The following RGL1 variants were observed in gnomAD, a reference collection of about 807,000 sequenced individuals.
The protein encoded by RGL1 is ral guanine nucleotide dissociation stimulator like 1.
A neutral mutation model predicts 95.2 loss-of-function variants in RGL1; 24 were observed. The ratio of observed to expected loss-of-function variants is 0.25; its 90% confidence interval spans 0.18 to 0.35. RGL1 has a LOEUF of 0.35. RGL1 is among the 10% of genes least tolerant of loss of function. The pLI is 1.00. For missense variants in RGL1, 715 were observed against 936.3 expected (o/e 0.76, Z 3.08); for synonymous variants, 329 against 344.9 (o/e 0.95, Z 0.51).
At chr1:183,754,949 C>G (rs927882083) in intron 2 of RGL1, 3 of 152,082 alleles carry the variant, frequency 2.0e-5, no homozygotes, top group Non-Finnish European at 4.4e-5. Context: ...TTTTGCCAGC[C>G]TGTCATGTAT....
chr1:183,677,457 C>A (rs909061297), intron 1 of RGL1, among the ~76,000 whole-genome samples: 3 of 152,086 alleles, frequency 2.0e-5, no homozygotes, highest in Admixed American at 6.6e-5. Flanking sequence ...ATTTGCCCAT[C>A]ATTCTGTTCT....
intron 2 of RGL1, among the ~76,000 whole-genome samples, chr1:183,807,489 AAGG>A (rs1020478807): frequency 6.6e-6 from 1 of 152,194 alleles, no homozygotes; most frequent in African/African-American, 2.4e-5. Context: ...GTGGAGTGTG[AAGG>A]AGGATAGGAC....
At chr1:183,883,980 G>T in intron 6 of RGL1, 70 bp downstream of exon 6, 1 of 1,492,540 alleles carries the variant, frequency 6.7e-7, no homozygotes, top group Non-Finnish European at 9.3e-7. Context: ...CTGGTGCCCC[G>T]GTGACAGCAG....
rs750181106 is a variant in RGL1, at chr1:183,880,584, G to T, written c.426-32G>T. ...TTGCTTTGCCTCCCCACAGCCAGTT[G>T]GGTGCAGTGACTCTCCATTTGTCTT... is the stretch of plus-strand genomic sequence containing the variant. On this transcript the variant is annotated intron_variant, in intron 4 of 17. Coordinates refer to ENST00000360851, the MANE Select transcript of RGL1 (RefSeq NM_001297671.3). 2.4e-5 allele frequency: 39 copies of T among 1,605,850 alleles called. 1 individual carries two copies. In the Middle Eastern group the frequency reaches 8.0e-4, roughly 33 times the overall value.
At position 183,838,982 on chromosome 1, in the gene RGL1, A is replaced by G. The variant is rs143113555; in HGVS notation, c.139-8584A>G. ...TGTCTAAGCCTTGATATGTTTGTAT[A>G]ATTAGAGGGAAGGTACATATGTCAG... On this transcript the variant is annotated intron_variant, in intron 2 of 17. Coordinates refer to ENST00000360851, the MANE Select transcript of RGL1 (RefSeq NM_001297671.3). 7.2e-5 allele frequency among the ~76,000 whole-genome samples: 11 copies of G among 152,284 alleles called. No individual in the cohort carries two copies. The East Asian group carries it at 1.9e-3, about 27-fold the overall frequency.
intron 1 of RGL1, among the ~76,000 whole-genome samples, chr1:183,805,629 C>T (rs1195988549): frequency 6.6e-6 from 1 of 152,220 alleles, no homozygotes; most frequent in Non-Finnish European, 1.5e-5. Context: ...TGCGTCCCAG[C>T]GGCTCTTTAA....
At position 183,810,416 on chromosome 1, in the gene RGL1, G is replaced by A. The variant is rs145302953; in HGVS notation, c.138+3931G>A. On this transcript the variant is annotated intron_variant, in intron 2 of 17. Coordinates refer to ENST00000360851, the MANE Select transcript of RGL1 (RefSeq NM_001297671.3). ...GTGGTCATGCAGTCCTTGTGGTGGG[G>A]CACTGAGGCCTTTCTGCCCTGTGTC... 7.9e-4 allele frequency among the ~76,000 whole-genome samples: 120 copies of A among 152,326 alleles called. 1 individual carries two copies. Among genetic ancestry groups the A allele is most frequent in the African/African-American group, 2.8e-3 (118 of 41,568 alleles).
chr1:183,879,161 G>A (rs1018356416), intron 4 of RGL1, among the ~76,000 whole-genome samples: 5 of 152,086 alleles, frequency 3.3e-5, no homozygotes, highest in Admixed American at 3.3e-4. Flanking sequence ...GCAGATAATT[G>A]AATATTATAG....
intron 1 of RGL1, among the ~76,000 whole-genome samples, chr1:183,723,197 A>G (rs543847880): frequency 6.6e-6 from 1 of 152,344 alleles, no homozygotes; most frequent in South Asian, 2.1e-4. Flanking sequence ...CAATAAACCA[A>G]TAGTATTGAG....
At position 183,897,858 on chromosome 1, in the gene RGL1, G is replaced by C. The variant is rs1480866006; in HGVS notation, c.1191G>C (p.Gln397His). 1.5e-5 allele frequency: 24 copies of C among 1,613,952 alleles called. 1 individual carries two copies. In the Admixed American group the frequency reaches 3.2e-4, roughly 21 times the overall value. ...ANLDSSVKEN[Q>H]KRTQRRLQLQ... ...TGGACAGCAGTGTGAAAGAAAACCA[G>C]AAGCGTACCCAGAGGCGGCTGCAGC... Residue 397 changes from glutamine (Q) to histidine (H), a missense_variant, in exon 10 of 18, where the codon CAG becomes CAC. Coordinates refer to ENST00000360851, the MANE Select transcript of RGL1 (RefSeq NM_001297671.3).
intron 7 of RGL1, among the ~76,000 whole-genome samples, chr1:183,885,589 C>T (rs1045339217): frequency 3.3e-5 from 5 of 152,214 alleles, no homozygotes; most frequent in African/African-American, 1.2e-4. Context: ...ACCTCCCCTT[C>T]TCAGCATCTT....
intron 3 of RGL1, among the ~76,000 whole-genome samples, chr1:183,849,107 T>A (rs951601378): frequency 6.6e-6 from 1 of 152,164 alleles, no homozygotes; most frequent in African/African-American, 2.4e-5. Flanking sequence ...TTTTTAGAGA[T>A]AGGATCTTGT....
chr1:183,877,934 C>T (rs1201353449), intron 4 of RGL1, among the ~76,000 whole-genome samples: 2 of 152,122 alleles, frequency 1.3e-5, no homozygotes, highest in Non-Finnish European at 2.9e-5. Context: ...GCTGTGTGCC[C>T]ATCAGAAATA....
intron 7 of RGL1, 58 bp downstream of exon 7, chr1:183,884,996 C>T: frequency 1.5e-5 from 22 of 1,431,888 alleles, no homozygotes; most frequent in Non-Finnish European, 2.1e-5. Flanking sequence ...ACTGCTCCAT[C>T]ACTTCGTTTA....
intron 2 of RGL1, among the ~76,000 whole-genome samples, chr1:183,747,971 T>C (rs535393057): frequency 6.6e-6 from 1 of 152,310 alleles, no homozygotes; most frequent in Non-Finnish European, 1.5e-5. Flanking sequence ...ATCTGGGCTT[T>C]TTTTGATTGG....
chr1:183,761,585 G>A (rs1278815419), intron 2 of RGL1, among the ~76,000 whole-genome samples: 1 of 152,040 alleles, frequency 6.6e-6, no homozygotes, highest in Non-Finnish European at 1.5e-5. Flanking sequence ...AATTCCTAAG[G>A]GCTCTAGGAT....
chr1:183,841,775 GA>G (rs997895045), intron 2 of RGL1, among the ~76,000 whole-genome samples: 27 of 152,304 alleles, frequency 1.8e-4, no homozygotes, highest in African/African-American at 6.0e-4. Flanking sequence ...GTAATATGGA[GA>G]GATGAGCAGA....
Position 183,892,097 on chromosome 1 carries a change from A to T in RGL1, c.1076A>T (p.Glu359Val). 2 of 1,612,604 alleles carry T rather than the reference A, an allele frequency of 1.2e-6. No individual in the cohort carries two copies. Among genetic ancestry groups the T allele is most frequent in the Non-Finnish European group, 1.7e-6 (2 of 1,179,068 alleles). ...CATAGGGACCGAATGCTGATGTTTG[A>T]AGAACTTTCAGATATCTTCTCAGAC... ...AVPRDRMLMF[E>V]ELSDIFSDHN... The change falls in exon 9 of 18, where the codon GAA becomes GTA. Residue 359 changes from glutamate (E) to valine (V), a missense_variant. Glu to Val is a moderately radical substitution (Grantham distance 121). Transcript: ENST00000360851.
intron 1 of RGL1, among the ~76,000 whole-genome samples, chr1:183,695,021 C>G (rs115757187): frequency 2.0e-3 from 299 of 152,332 alleles, no homozygotes; most frequent in African/African-American, 6.8e-3. Context: ...CACAGAATCT[C>G]AAGTATCCAT....
Sources: allele counts gnomAD v4.1 joint callset (sites outside exome capture counted in the v4.1 genomes callset), GRCh38; gene constraint gnomAD v4.1.1; transcripts MANE v1.5; gene names NCBI Gene and HGNC (gene_info 2026-07-23, HGNC 2026-07-21).